ZBED6: variants seen among roughly 807,000 people sequenced by gnomAD.
ZBED6 encodes the protein zinc finger BED-type containing 6, also known as zinc finger BED domain-containing protein 6.
In ZBED6, 40 loss-of-function variants were observed where a neutral mutation model predicts 58.4. That is an observed-to-expected ratio of 0.68 (90% CI 0.53 to 0.89). The LOEUF (loss-of-function observed/expected upper bound fraction) is 0.89, where lower values mean the gene tolerates loss of function less well. Among genes scored for constraint, ZBED6 ranks in the 40% least tolerant of loss-of-function variants. The pLI is 0.00. For missense variants in ZBED6, 1,057 were observed against 1,003.9 expected, an observed-to-expected ratio of 1.05 and a Z score of -0.71; for synonymous variants, 439 against 350.6, an observed-to-expected ratio of 1.25 and a Z score of -2.82.
At chr1:203,850,078 C>T in intron 14 of ZBED6, 52 bp downstream of exon 14, 1 of 1,563,242 alleles carries the variant, frequency 6.4e-7, no homozygotes, top group Non-Finnish European at 8.7e-7. Context: ...TTACCAAATT[C>T]AACCCAATTG....
intron 7 of ZBED6, 55 bp from the exon 8 acceptor site, chr1:203,831,606 G>C (rs553048125): frequency 6.0e-6 from 9 of 1,499,548 alleles, no homozygotes; most frequent in Non-Finnish European, 8.2e-6. Flanking sequence ...TTTTTGACTT[G>C]GGATAGCATT....
chr1:203,848,154 G>A (rs1688385885), intron 12 of ZBED6, among the ~76,000 whole-genome samples, 177 bp from the exon 13 acceptor site: 2 of 152,114 alleles, frequency 1.3e-5, no homozygotes, highest in African/African-American at 4.8e-5. Flanking sequence ...CACCATGCCC[G>A]GCCAACCTTT....
chr1:203,810,363 ACTTTT>A (rs1384828206), intron 1 of ZBED6, among the ~76,000 whole-genome samples: 6 of 150,336 alleles, frequency 4.0e-5, no homozygotes, highest in Admixed American at 2.0e-4. Context: ...ATATAAAGAA[ACTTTT>A]CTTTTTTTCT....
intron 1 of ZBED6, among the ~76,000 whole-genome samples, chr1:203,808,831 T>C (rs1673267290): frequency 6.6e-6 from 1 of 152,106 alleles, no homozygotes; most frequent in Non-Finnish European, 1.5e-5. Flanking sequence ...ATCATTATTT[T>C]ATATATTTAT....
Position 203,799,613 on chromosome 1 carries a change from G to C in ZBED6, c.2091G>C (p.Glu697Asp). The change falls in exon 1 of 17, where the codon GAG becomes GAC. Residue 697 changes from glutamate to aspartate, a missense_variant. Coordinates refer to ENST00000550078, the Ensembl canonical transcript of ZBED6. ...GTGATATTCTTAAGCCATTTGAGGA[G>C]GCTACCCAGAAAGTGAGCGTGAAGA... 6 of 703,178 alleles carry C rather than the reference G, an allele frequency of 8.5e-6. 1 individual carries two copies. In the South Asian group the frequency reaches 8.9e-5, roughly 10 times the overall value. The allele number at this position is 703,178 out of a possible 1,614,324, so 43.6% of individuals were successfully genotyped here.
chr1:203,809,715 AGGCTGAGATG>A (rs1385368223), intron 1 of ZBED6, among the ~76,000 whole-genome samples: 1 of 152,076 alleles, frequency 6.6e-6, no homozygotes, highest in Non-Finnish European at 1.5e-5. Flanking sequence ...GCACTTTGTG[AGGCTGAGATG>A]GGCAGATCAC....
intron 3 of ZBED6, among the ~76,000 whole-genome samples, chr1:203,825,076 CAAAAAA>C (rs61108073): frequency 2.8e-4 from 31 of 108,970 alleles, no homozygotes; most frequent in African/African-American, 7.2e-4. Flanking sequence ...GACTCCGTCT[CAAAAAA>C]AAAAAAAAAA....
exon 1 of ZBED6, chr1:203,800,182 A>T: frequency 6.6e-7 from 1 of 1,526,468 alleles, no homozygotes; most frequent in Non-Finnish European, 8.8e-7. Flanking sequence ...CCTTTAATTT[A>T]CTGGCAGAGG....
exon 8 of ZBED6, chr1:203,831,770 A>G (rs1271040079): frequency 1.9e-6 from 3 of 1,610,074 alleles, no homozygotes; most frequent in Non-Finnish European, 2.5e-6. Flanking sequence ...CCACCAAACA[A>G]GGTAAGGTAT....
chr1:203,822,000 G>T (rs189957531), intron 3 of ZBED6, among the ~76,000 whole-genome samples: 1 of 151,936 alleles, frequency 6.6e-6, no homozygotes, highest in Non-Finnish European at 1.5e-5. Flanking sequence ...CTCGTGATCC[G>T]CCCGCCTTGG....
chr1:203,833,055 G>A (rs1171849515), intron 8 of ZBED6, among the ~76,000 whole-genome samples: 7 of 151,664 alleles, frequency 4.6e-5, no homozygotes, highest in Non-Finnish European at 7.4e-5. Context: ...CCAACATGGT[G>A]AAACCCTGTC....
chr1:203,853,660 C>T (rs1303247421), exon 17 of ZBED6: 1 of 152,618 alleles, frequency 6.6e-6, no homozygotes, highest in Non-Finnish European at 1.5e-5. Flanking sequence ...CATGTTGGCT[C>T]CTAAGGAACT....
At chr1:203,825,952 A>G (rs1680384137) in intron 3 of ZBED6, among the ~76,000 whole-genome samples, 1 of 152,240 alleles carries the variant, frequency 6.6e-6, no homozygotes, top group South Asian at 2.1e-4. Flanking sequence ...TGTATTAAAC[A>G]GATCAAATAA....
intron 3 of ZBED6, among the ~76,000 whole-genome samples, chr1:203,825,902 C>T (rs1362307272): frequency 6.6e-6 from 1 of 152,002 alleles, no homozygotes; most frequent in Non-Finnish European, 1.5e-5. Flanking sequence ...GTCTTCGTTG[C>T]ACATATATTA....
intron 1 of ZBED6, among the ~76,000 whole-genome samples, chr1:203,816,163 T>G (rs1017201872): frequency 1.1e-4 from 16 of 152,250 alleles, no homozygotes; most frequent in African/African-American, 3.9e-4. Flanking sequence ...GTGAAAATAT[T>G]TGAAGTTTTT....
chr1:203,832,000 C>T (rs920848839), intron 8 of ZBED6, among the ~76,000 whole-genome samples: 3 of 152,192 alleles, frequency 2.0e-5, no homozygotes, highest in Non-Finnish European at 4.4e-5. Context: ...TTTATATCCA[C>T]TCAATACATT....
intron 9 of ZBED6, among the ~76,000 whole-genome samples, chr1:203,837,290 C>CGAA (rs1684645579): frequency 7.1e-6 from 1 of 141,466 alleles, no homozygotes; most frequent in Non-Finnish European, 1.5e-5. Context: ...GATCCTGTCT[C>CGAA]AAAAAAAAAA....
rs779153308 is a variant in ZBED6, at chr1:203,813,215, G to GT, written c.*2555-3702dup. On this transcript the variant is annotated intron_variant, in intron 1 of 16. Coordinates refer to ENST00000550078, the Ensembl canonical transcript of ZBED6. ...AATGTTTTTTTGTTTTTTGTTTTTT[G>GT]TTTTTTTTTGGATGGAGTTTTGCTC... 6.9e-3 allele frequency among the ~76,000 whole-genome samples: 1,031 copies of GT among 148,406 alleles called. 13 individuals are homozygous for GT. Among genetic ancestry groups the GT allele is most frequent in the East Asian group, 0.045 (226 of 5,074 alleles).
intron 2 of ZBED6, 76 bp downstream of exon 2, chr1:203,817,200 TAA>T: frequency 7.8e-7 from 1 of 1,285,898 alleles, no homozygotes. Context: ...CCCAACATTT[TAA>T]GTTGTTTTTA....
Sources: allele counts gnomAD v4.1 joint callset (sites outside exome capture counted in the v4.1 genomes callset), GRCh38; gene constraint gnomAD v4.1.1; transcripts MANE v1.5; gene names NCBI Gene and HGNC (gene_info 2026-07-23, HGNC 2026-07-21).